Variants in DNAH14 observed in about 807,000 individuals in gnomAD.
The protein encoded by DNAH14 is dynein axonemal heavy chain 14, also known as axonemal beta dynein heavy chain 14.
Under a neutral mutation model 520.9 loss-of-function variants are expected in DNAH14, and 478 were observed. The ratio of observed to expected loss-of-function variants is 0.92; its 90% CI spans 0.85 to 0.99. The LOEUF is 0.99. DNAH14 is among the 50% of genes least tolerant of loss of function. The probability of loss-of-function intolerance (pLI) is 0.00; values close to 1 mark genes in which losing one functional copy is unlikely to be tolerated. For synonymous variants in DNAH14, 1,581 were observed against 1,757.2 expected (o/e 0.90, Z 2.51); for missense variants, 4,831 against 5,234.5 (o/e 0.92, Z 2.38).
At chr1:225,338,315 TG>T in intron 68 of DNAH14, 133 bp downstream of exon 68, 1 of 1,188,470 alleles carries the variant, frequency 8.4e-7, no homozygotes, top group Non-Finnish European at 1.2e-6. Context: ...ATATTCTTTT[TG>T]TTTTTGTGTT....
At chr1:224,971,093 A>G (rs573134071) in intron 7 of DNAH14, among the ~76,000 whole-genome samples, 1 of 152,200 alleles carries the variant, frequency 6.6e-6, no homozygotes, top group Non-Finnish European at 1.5e-5. Context: ...TTCATGATTA[A>G]AAATTTATCT....
intron 1 of DNAH14, among the ~76,000 whole-genome samples, chr1:224,934,909 A>G (rs1195576829): frequency 6.6e-6 from 1 of 151,940 alleles, no homozygotes; most frequent in Non-Finnish European, 1.5e-5. Flanking sequence ...AACCGAGAAT[A>G]TATTATCAGC....
intron 55 of DNAH14, among the ~76,000 whole-genome samples, chr1:225,297,220 T>G (rs2094029046): frequency 6.6e-6 from 1 of 152,132 alleles, no homozygotes; most frequent in African/African-American, 2.4e-5. Flanking sequence ...TTGATCCTTT[T>G]TGTGATATAT....
chr1:225,091,989 A>G (rs752433503), intron 21 of DNAH14, among the ~76,000 whole-genome samples: 15 of 152,142 alleles, frequency 9.9e-5, no homozygotes, highest in Non-Finnish European at 1.6e-4. Flanking sequence ...GGCTTTACAT[A>G]ATGGTAAAGG....
intron 35 of DNAH14, among the ~76,000 whole-genome samples, 160 bp downstream of exon 35, chr1:225,159,645 A>G (rs2081350267): frequency 6.6e-6 from 1 of 152,082 alleles, no homozygotes; most frequent in South Asian, 2.1e-4. Context: ...CCCCTTGGGG[A>G]AAAAAAGAGC....
At position 225,273,108 on chromosome 1, in the gene DNAH14, C is replaced by T. The variant is rs1197016080; in HGVS notation, c.7993C>T (p.Leu2665Phe). The change falls in exon 52 of 86, where the codon CTT (leucine) becomes TTT (phenylalanine). Residue 2665 changes from leucine to phenylalanine, a missense_variant. Transcript: ENST00000682510. ...TTTCTATCGGTTGCTTTCAAGGGAA[C>T]TTGAGAACTGTTTTCAGGTAAATTT... ...SLFYRLLSRE[L>F]ENCFQIQWTQ... 2.6e-6 allele frequency: 4 copies of T among 1,549,390 alleles called. No homozygotes were observed. The highest frequency in any genetic ancestry group is 2.7e-5 in the African/African-American group (2 of 72,764).
Position 224,986,251 on chromosome 1 carries a change from G to T in DNAH14, c.830+12098G>T, listed in dbSNP as rs576017767. ...ACTATTCTGACAAATAGAGTATTTG[G>T]GAATATTTCCAGACTCATTGTATGA... On this transcript the variant is annotated intron_variant, in intron 8 of 85. Coordinates refer to ENST00000682510, the MANE Select transcript of DNAH14 (RefSeq NM_001367479.1). Among the ~76,000 whole-genome samples, 7 of 150,286 alleles carry T rather than the reference G, an allele frequency of 4.7e-5. No homozygotes were observed. In the South Asian group the frequency reaches 6.4e-4, roughly 14 times the overall value.
chr1:224,945,506 C>T (rs532886585), intron 1 of DNAH14, among the ~76,000 whole-genome samples: 7 of 152,262 alleles, frequency 4.6e-5, no homozygotes, highest in Admixed American at 3.9e-4. Flanking sequence ...AGTCATTCTC[C>T]GTCCAGCTTT....
In DNAH14 at chr1:224,945,964, C is replaced by T. The variant is rs199981913; in HGVS notation, c.-33-6706C>T. Among the ~76,000 whole-genome samples the T allele has an allele frequency of 1.4e-4, 21 of 152,406 alleles. No homozygotes were observed. In the East Asian group the frequency reaches 2.5e-3, roughly 18 times the overall value. On this transcript the variant is annotated intron_variant, in intron 1 of 85. Coordinates refer to ENST00000682510, the MANE Select transcript of DNAH14 (RefSeq NM_001367479.1). The stretch of plus-strand genomic sequence containing the variant: ...GAACTGCTTGAGGAGGCAGTCTGTC[C>T]GTTCTCAAATCTCCAGCTGCATGCT...
At chr1:225,008,767 A>G (rs1028843562) in intron 10 of DNAH14, among the ~76,000 whole-genome samples, 1 of 151,720 alleles carries the variant, frequency 6.6e-6, no homozygotes, top group Non-Finnish European at 1.5e-5. Flanking sequence ...CTGGCATGAG[A>G]TGGTATCTCA....
At chr1:224,979,464 G>C (rs143410572) in intron 8 of DNAH14, among the ~76,000 whole-genome samples, 1 of 152,152 alleles carries the variant, frequency 6.6e-6, no homozygotes, top group African/African-American at 2.4e-5. Context: ...GATTGGAATC[G>C]CCCATCCCAG....
rs2096064168 is a variant in DNAH14 at position 225,399,046 on chromosome 1, T to C, written c.13639-8T>C. 2.6e-6 allele frequency: 4 copies of C among 1,534,932 alleles called. No individual in the cohort carries two copies. Among genetic ancestry groups the C allele is most frequent in the Non-Finnish European group, 8.8e-7 (1 of 1,140,600 alleles). ...AATTTGACTACTGGATTTTTTTTTT[T>C]TTTAAAGATTTCTACCAAAACACCA... On this transcript the variant is annotated splice_region_variant and splice_polypyrimidine_tract_variant and intron_variant, in intron 85 of 85. Coordinates refer to ENST00000682510, the MANE Select transcript of DNAH14 (RefSeq NM_001367479.1).
intron 5 of DNAH14, among the ~76,000 whole-genome samples, chr1:224,965,341 GAGC>G (rs2061095969): frequency 6.6e-6 from 1 of 152,108 alleles, no homozygotes; most frequent in Non-Finnish European, 1.5e-5. Flanking sequence ...TTGAGAGGCA[GAGC>G]CTTGCAATCT....
At chr1:225,198,519 T>G (rs2086436773) in intron 38 of DNAH14, among the ~76,000 whole-genome samples, 1 of 152,178 alleles carries the variant, frequency 6.6e-6, no homozygotes, top group Non-Finnish European at 1.5e-5. Flanking sequence ...GCCCAGCCCC[T>G]TCTATGCCAA....
At chr1:225,358,736 C>T in intron 74 of DNAH14, 84 bp downstream of exon 74, 3 of 1,389,438 alleles carry the variant, frequency 2.2e-6, no homozygotes, top group African/African-American at 2.9e-5. Context: ...TTGTAATCCC[C>T]ATAATCCCCA....
intron 3 of DNAH14, 75 bp from the exon 4 acceptor site, chr1:224,960,078 C>A: frequency 7.3e-7 from 1 of 1,368,032 alleles, no homozygotes; most frequent in Non-Finnish European, 9.8e-7. Flanking sequence ...AACTGTATTG[C>A]TGGGTATGTG....
At chr1:225,006,995 A>T (rs2064226567) in intron 9 of DNAH14, among the ~76,000 whole-genome samples, 1 of 152,192 alleles carries the variant, frequency 6.6e-6, no homozygotes, top group South Asian at 2.1e-4. Context: ...ACTTAGGGAA[A>T]ATAGAAAAGA....
intron 7 of DNAH14, among the ~76,000 whole-genome samples, chr1:224,973,266 G>A (rs1458918601): frequency 6.6e-6 from 1 of 152,148 alleles, no homozygotes; most frequent in Non-Finnish European, 1.5e-5. Context: ...GTCATCACTA[G>A]GATTGGCTGT....
intron 1 of DNAH14, among the ~76,000 whole-genome samples, chr1:224,941,602 G>C (rs2125402741): frequency 6.6e-6 from 1 of 152,132 alleles, no homozygotes; most frequent in East Asian, 1.9e-4. Flanking sequence ...GTCCTGAATG[G>C]TATTGCCTAG....
Sources: gnomAD v4.1 joint callset for allele counts (sites outside exome capture counted in the v4.1 genomes callset) on GRCh38, gnomAD v4.1.1 for gene constraint, MANE v1.5 for transcripts, NCBI Gene and HGNC (gene_info 2026-07-23, HGNC 2026-07-21) for gene names.